CXCR4: variants seen among roughly 807,000 people sequenced by gnomAD.
The protein encoded by CXCR4 is C-X-C chemokine receptor type 4.
CXCR4 carries 6 observed loss-of-function variants against 22.4 expected under a neutral mutation model. The ratio of observed to expected loss-of-function variants is 0.27; its 90% CI spans 0.15 to 0.53. The LOEUF is 0.53. CXCR4 is among the 20% of genes least tolerant of loss of function. The probability of loss-of-function intolerance (pLI) is 0.96; values close to 1 mark genes in which losing one functional copy is unlikely to be tolerated. For missense variants in CXCR4, 300 were observed against 430.4 expected (o/e 0.70, Z 2.68); for synonymous variants, 155 against 171.7 (o/e 0.90, Z 0.76).
At position 136,114,886 on chromosome 2, in the gene CXCR4, T is replaced by C. The variant is rs1573613407; in HGVS notation, c.1042A>G (p.Ser348Gly). 6.2e-7 allele frequency: 1 copy of C among 1,609,546 alleles called. No homozygotes were observed. Among genetic ancestry groups the C allele is most frequent in the African/African-American group, 1.3e-5 (1 of 74,924 alleles). ...CATCTGTGTTAGCTGGAGTGAAAACTTGAAGACTCAGACTCAGTGGAAACA... is the reference window on the plus strand; with the variant it reads ...CATCTGTGTTAGCTGGAGTGAAAACCTGAAGACTCAGACTCAGTGGAAACA... ...SSVSTESESSSFHSS is the reference protein window; with the variant it reads ...SSVSTESESSGFHSS The change falls in exon 2 of 2, where the codon AGT (serine) becomes GGT (glycine). Residue 348 changes from serine to glycine, a missense_variant. Transcript: ENST00000241393.
rs1427844104 is a variant in CXCR4 at position 136,114,787 on chromosome 2, T to C, written c.*82A>G. On this transcript the variant is annotated 3_prime_UTR_variant, in exon 2 of 2. Transcript: ENST00000241393. ...AACAAGCAATAAAAACTGTACAATATTGGTCAGTCTTTTATATCTGAAAAA... is the reference window on the plus strand; with the variant it reads ...AACAAGCAATAAAAACTGTACAATACTGGTCAGTCTTTTATATCTGAAAAA... 8.1e-7 allele frequency: 1 copy of C among 1,236,968 alleles called. No individual in the cohort carries two copies. The highest frequency in any genetic ancestry group is 1.5e-5 in the African/African-American group (1 of 65,920). 76.6% of individuals were successfully genotyped at this position (1,236,968 alleles called of 1,614,324 possible). A position where few individuals can be genotyped will look rare whatever the true frequency, so the allele number is the denominator to read the frequency against.
rs532293495 is a variant in CXCR4 at position 136,114,498 on chromosome 2, G to A, written c.*371C>T. ...GTGCCATCTTCTACAGCAAAATCAC[G>A]TCTTAAGAACAGGAAAAACGTTCCA... On this transcript the variant is annotated 3_prime_UTR_variant, in exon 2 of 2. Coordinates refer to ENST00000241393, the MANE Select transcript of CXCR4 (RefSeq NM_003467.3). The A allele has an allele frequency of 1.7e-4, 41 of 246,372 alleles. No homozygotes were observed. The highest frequency in any genetic ancestry group is 3.1e-4 in the Non-Finnish European group (39 of 124,976). The allele number at this position is 246,372 out of a possible 1,614,324, so 15.3% of individuals were successfully genotyped here.
In CXCR4 at chr2:136,114,680, A is replaced by C. The variant is rs2104915107; in HGVS notation, c.*189T>G. The stretch of plus-strand genomic sequence containing the variant: ...TTGGCCACAGGTCCTGCCTAGACAC[A>C]CATCAATATGAAACAAAAAAAATTT... On this transcript the variant is annotated 3_prime_UTR_variant, in exon 2 of 2. Transcript: ENST00000241393. 1.9e-6 allele frequency: 1 copy of C among 518,274 alleles called. No homozygotes were observed. Among genetic ancestry groups the C allele is most frequent in the Non-Finnish European group, 3.3e-6 (1 of 300,458 alleles). 32.1% of individuals were successfully genotyped at this position (518,274 alleles called of 1,614,324 possible). A position where few individuals can be genotyped will look rare whatever the true frequency, so the allele number is the denominator to read the frequency against.
At chr2:136,117,903 T>C in intron 1 of CXCR4, 143 bp downstream of exon 1, 1 of 349,742 alleles carries the variant, frequency 2.9e-6, no homozygotes, top group Admixed American at 3.9e-5. Context: ...ATAGGCATGG[T>C]CAAGAAAACT....
intron 1 of CXCR4, 177 bp downstream of exon 1, chr2:136,117,869 T>TCTCCCCCCCC: frequency 5.9e-6 from 1 of 170,812 alleles, no homozygotes; most frequent in South Asian, 7.0e-5. Context: ...CCAATCCTGC[T>TCTCCCCCCCC]CCCCCCCCAC....
At chr2:136,117,993 C>T in intron 1 of CXCR4, 53 bp downstream of exon 1, 1 of 1,598,630 alleles carries the variant, frequency 6.3e-7, no homozygotes, top group Non-Finnish European at 8.6e-7. Context: ...GGGCTGCGCT[C>T]TAAGTTCAAA....
chr2:136,116,806 TG>T (rs1487574566), intron 1 of CXCR4, among the ~76,000 whole-genome samples: 2 of 151,954 alleles, frequency 1.3e-5, no homozygotes, highest in Non-Finnish European at 2.9e-5. Context: ...CGGCCGGAGG[TG>T]GGCAGCTGGA....
At chr2:136,117,283 A>G (rs1267477334) in intron 1 of CXCR4, among the ~76,000 whole-genome samples, 1 of 152,088 alleles carries the variant, frequency 6.6e-6, no homozygotes, top group Non-Finnish European at 1.5e-5. Flanking sequence ...TGACCTCTGC[A>G]CGACCCCAAA....
chr2:136,117,079 A>G (rs1352977081), intron 1 of CXCR4, among the ~76,000 whole-genome samples: 1 of 152,192 alleles, frequency 6.6e-6, no homozygotes, highest in Non-Finnish European at 1.5e-5. Context: ...CGACGGTTAA[A>G]CATCACAACT....
At chr2:136,117,867 G>GCCCCCC in intron 1 of CXCR4, 179 bp downstream of exon 1, 1 of 179,656 alleles carries the variant, frequency 5.6e-6, no homozygotes, top group Non-Finnish European at 1.2e-5. Flanking sequence ...TTCCAATCCT[G>GCCCCCC]CTCCCCCCCC....
chr2:136,116,346 T>A, intron 1 of CXCR4: 1 of 560,268 alleles, frequency 1.8e-6, no homozygotes, highest in Non-Finnish European at 2.3e-6. Flanking sequence ...TAACTTTTTG[T>A]AAGAAGTTTT....
rs1374176769 is a variant in CXCR4, at chr2:136,115,749, A to T, written c.179T>A (p.Ile60Asn). The change falls in exon 2 of 2, where the codon ATC becomes AAC. Residue 60 changes from isoleucine (I) to asparagine (N), a missense_variant. Physicochemically the swap from Ile to Asn is moderately radical, Grantham distance 149 (BLOSUM62 -3). Coordinates refer to ENST00000241393, the MANE Select transcript of CXCR4 (RefSeq NM_003467.3). The surrounding 1 kb of genome is among the most constrained non-coding windows in gnomAD (Gnocchi z 6.4). ...LTGIVGNGLV[I>N]LVMGYQKKLR... ...TTTCTTCTGGTAACCCATGACCAGGATGACCAATCCATTGCCCACAATGCC... is the reference window on the plus strand; with the variant it reads ...TTTCTTCTGGTAACCCATGACCAGGTTGACCAATCCATTGCCCACAATGCC... 6.2e-7 allele frequency: 1 copy of T among 1,614,234 alleles called. No homozygotes were observed. Among genetic ancestry groups the T allele is most frequent in the Admixed American group, 1.7e-5 (1 of 60,022 alleles).
chr2:136,117,400 G>T (rs560218129), intron 1 of CXCR4: 3 of 152,418 alleles, frequency 2.0e-5, no homozygotes, highest in Admixed American at 6.5e-5. Flanking sequence ...TCAACTCCTA[G>T]CTGCTGCCAC....
Position 136,115,245 on chromosome 2 carries a change from T to A in CXCR4, c.683A>T (p.His228Leu). The change falls in exon 2 of 2, where the codon CAC (histidine) becomes CTC (leucine). Residue 228 changes from histidine to leucine, a missense_variant. Coordinates refer to ENST00000241393, the MANE Select transcript of CXCR4 (RefSeq NM_003467.3). This position sits in a 1 kb window ranked among gnomAD's most constrained non-coding sequence, Gnocchi z 6.4. The stretch of plus-strand genomic sequence containing the variant: ...CTTGCGCTTCTGGTGGCCCTTGGAG[T>A]GTGACAGCTTGGAGATGATAATGCA... ...CYCIIISKLS[H>L]SKGHQKRKAL... The A allele has an allele frequency of 1.9e-6, 3 of 1,613,534 alleles. No individual in the cohort carries two copies. Among genetic ancestry groups the A allele is most frequent in the Non-Finnish European group, 2.5e-6 (3 of 1,179,898 alleles).
rs1261557918 is a variant in CXCR4, at chr2:136,118,079, A to G, written c.-19T>C. On this transcript the variant is annotated 5_prime_UTR_variant, in exon 1 of 2. Coordinates refer to ENST00000241393, the MANE Select transcript of CXCR4 (RefSeq NM_003467.3). Reference sequence around the variant, plus strand: ...CCTCCATGGTAACCGCTGGTTCTCCAGATGCGGTGGCTACTGGAGCACTCA... The same window carrying G: ...CCTCCATGGTAACCGCTGGTTCTCCGGATGCGGTGGCTACTGGAGCACTCA... 1 of 1,613,632 alleles carries G rather than the reference A, an allele frequency of 6.2e-7. No homozygotes were observed. Among genetic ancestry groups the G allele is most frequent in the Non-Finnish European group, 8.5e-7 (1 of 1,179,660 alleles).
At chr2:136,117,961 C>T in intron 1 of CXCR4, 85 bp downstream of exon 1, 1 of 1,325,774 alleles carries the variant, frequency 7.5e-7, no homozygotes, top group Non-Finnish European at 1.0e-6. Context: ...AATGTCCTGG[C>T]CGCTTCTGCC....
In CXCR4 at chr2:136,115,319, G is replaced by A. The variant is rs1558836413; in HGVS notation, c.609C>T (p.His203=). 6.2e-7 allele frequency: 1 copy of A among 1,614,082 alleles called. No individual in the cohort carries two copies. The highest frequency in any genetic ancestry group is 8.5e-7 in the Non-Finnish European group (1 of 1,180,046). The stretch of plus-strand genomic sequence containing the variant: ...CAGGCAGGATAAGGCCAACCATGAT[G>A]TGCTGAAACTGGAACACAACCACCC... The part of the protein sequence containing the change: ...DLWVVVFQFQ[H]IMVGLILPGI... Residue 203 remains histidine, a synonymous_variant, in exon 2 of 2, where the codon CAC becomes CAT. Coordinates refer to ENST00000241393, the MANE Select transcript of CXCR4 (RefSeq NM_003467.3). The surrounding 1 kb of genome is among the most constrained non-coding windows in gnomAD (Gnocchi z 6.4).
chr2:136,117,373 C>T (rs1457532019), intron 1 of CXCR4, among the ~76,000 whole-genome samples: 1 of 151,922 alleles, frequency 6.6e-6, no homozygotes, highest in African/African-American at 2.4e-5. Context: ...CCCTCAAACC[C>T]AAAGCGCGCG....
intron 1 of CXCR4, 177 bp downstream of exon 1, chr2:136,117,869 T>TCCTCC: frequency 4.7e-5 from 8 of 170,812 alleles, no homozygotes; most frequent in South Asian, 2.8e-4. Context: ...CCAATCCTGC[T>TCCTCC]CCCCCCCCAC....
Sources: gnomAD v4.1 joint callset for allele counts (sites outside exome capture counted in the v4.1 genomes callset) on GRCh38, gnomAD v4.1.1 for gene constraint, Gnocchi (gnomAD v3.1) non-coding constraint, MANE v1.5 for transcripts, NCBI Gene and HGNC (gene_info 2026-07-23, HGNC 2026-07-21) for gene names.